CENPH: variants seen among roughly 807,000 people sequenced by gnomAD.
CENPH encodes the protein centromere protein H.
CENPH carries 40 observed loss-of-function variants against 42.9 expected under a neutral mutation model. The ratio of observed to expected loss-of-function variants is 0.93; its 90% CI spans 0.72 to 1.21. CENPH has a LOEUF of 1.21. Among genes scored for constraint, CENPH ranks in the 50% most tolerant of loss-of-function variants. The pLI is 0.00. For missense variants in CENPH, 302 were observed against 292.9 expected (o/e 1.03, Z -0.23); for synonymous variants, 88 against 96.5 (o/e 0.91, Z 0.52).
chr5:69,194,538 G>T, intron 2 of CENPH, 109 bp from the exon 3 acceptor site: 1 of 599,552 alleles, frequency 1.7e-6, no homozygotes, highest in Non-Finnish European at 3.0e-6. Flanking sequence ...TCTGTAATGT[G>T]AAAACGACAT....
intron 1 of CENPH, among the ~76,000 whole-genome samples, chr5:69,190,570 CAG>C (rs1037033096): frequency 1.3e-5 from 2 of 152,152 alleles, no homozygotes; most frequent in African/African-American, 4.8e-5. Flanking sequence ...TATATCATAA[CAG>C]AGGTAGTTTT....
intron 5 of CENPH, among the ~76,000 whole-genome samples, chr5:69,200,112 C>CAAAAAA (rs373894870): frequency 1.9e-5 from 1 of 51,402 alleles, no homozygotes; most frequent in African/African-American, 7.0e-5. Flanking sequence ...GACTCTGTCT[C>CAAAAAA]AAAAAAAAAA....
intron 5 of CENPH, 45 bp downstream of exon 5, chr5:69,197,154 A>G (rs547141182): frequency 3.3e-6 from 4 of 1,211,642 alleles, no homozygotes; most frequent in South Asian, 3.2e-5. Flanking sequence ...TGGGATCTGC[A>G]TAGTGACTTT....
intron 5 of CENPH, among the ~76,000 whole-genome samples, chr5:69,197,984 G>A (rs1296392101): frequency 3.9e-5 from 5 of 128,884 alleles, no homozygotes; most frequent in African/African-American, 6.0e-5. Flanking sequence ...GCAGTGGCAC[G>A]ATCTCGGCTC....
In CENPH at chr5:69,202,848, A is replaced by G. The variant is rs41268437; in HGVS notation, c.436-71A>G. On this transcript the variant is annotated intron_variant, in intron 6 of 8. Coordinates refer to ENST00000283006, the MANE Select transcript of CENPH (RefSeq NM_022909.4). Reference sequence around the variant, plus strand: ...ATAACTAAGGCTAGTAGATAAACTCAGTGATTTAAGTATTACAGGTTTGTC... The same window carrying G: ...ATAACTAAGGCTAGTAGATAAACTCGGTGATTTAAGTATTACAGGTTTGTC... 6,540 of 924,666 alleles carry G rather than the reference A, an allele frequency of 7.1e-3. 44 individuals carry two copies. The highest frequency in any genetic ancestry group is 7.3e-3 in the Non-Finnish European group (4,320 of 591,212). 57.3% of individuals were successfully genotyped at this position (924,666 alleles called of 1,614,324 possible). A position where few individuals can be genotyped will look rare whatever the true frequency, so the allele number is the denominator to read the frequency against.
chr5:69,199,592 G>C (rs1748025451), intron 5 of CENPH, among the ~76,000 whole-genome samples: 2 of 152,168 alleles, frequency 1.3e-5, no homozygotes, highest in African/African-American at 4.8e-5. Flanking sequence ...ATCATGATGG[G>C]TGAGGGGTCT....
intron 2 of CENPH, among the ~76,000 whole-genome samples, chr5:69,193,130 TAC>T (rs762159038): frequency 5.9e-5 from 9 of 151,318 alleles, no homozygotes; most frequent in East Asian, 1.9e-4. Context: ...TATATATATA[TAC>T]ACACACACAT....
chr5:69,203,655 C>G (rs983159276), intron 7 of CENPH, among the ~76,000 whole-genome samples: 1 of 152,038 alleles, frequency 6.6e-6, no homozygotes, highest in Admixed American at 6.6e-5. Context: ...GCATGAGCCA[C>G]TGCACCTGGC....
rs1561319975 is a variant in CENPH at position 69,189,768 on chromosome 5, G to A, written c.134G>A (p.Arg45Lys). 2.7e-6 allele frequency: 4 copies of A among 1,485,970 alleles called. No homozygotes were observed. The highest frequency in any genetic ancestry group is 1.3e-5 in the South Asian group (1 of 76,760). The allele number at this position is 1,485,970 out of a possible 1,614,324, so 92.0% of individuals were successfully genotyped here. Residue 45 changes from arginine (R) to lysine (K), a missense_variant and splice_region_variant, in exon 1 of 9, where the codon AGG becomes AAG. Transcript: ENST00000283006. ...CSEDRMTLLL[R>K]LRAQTKQQLL... ...GAGGACCGCATGACCCTGCTCCTCAGGTTGTTCCCTTTGGCCTCCTCAGCC... is the reference window on the plus strand; with the variant it reads ...GAGGACCGCATGACCCTGCTCCTCAAGTTGTTCCCTTTGGCCTCCTCAGCC...
At chr5:69,190,122 C>T (rs535297841) in intron 1 of CENPH, among the ~76,000 whole-genome samples, 39 of 152,232 alleles carry the variant, frequency 2.6e-4, no homozygotes, top group African/African-American at 7.7e-4. Flanking sequence ...GTGCCCCTAC[C>T]ATTTCTTTTA....
intron 1 of CENPH, among the ~76,000 whole-genome samples, chr5:69,190,618 G>C (rs1323393523): frequency 6.6e-6 from 1 of 152,188 alleles, no homozygotes; most frequent in African/African-American, 2.4e-5. Flanking sequence ...GGTGGCTCAC[G>C]CCTGTAATCC....
chr5:69,191,798 G>C lies in CENPH; in HGVS notation c.138G>C (p.Leu46=), dbSNP rs2112080073. 6.5e-7 allele frequency: 1 copy of C among 1,547,678 alleles called. No individual in the cohort carries two copies. ...TATTCTCTTTATCTGTTTTCAGGCT[G>C]AGAGCACAGACAAAACAACAACTCT... ...SEDRMTLLLR[L]RAQTKQQLLE... is the part of the protein sequence containing the mutation. Residue 46 remains leucine (L), a synonymous_variant, in exon 2 of 9, where the codon CTG becomes CTC. Transcript: ENST00000283006.
intron 1 of CENPH, among the ~76,000 whole-genome samples, chr5:69,191,444 G>A (rs532977392): frequency 3.3e-5 from 5 of 152,226 alleles, no homozygotes; most frequent in Admixed American, 2.6e-4. Context: ...CCCGGGAGGC[G>A]GAGCTTGTGG....
chr5:69,201,881 C>T (rs1486527517), intron 5 of CENPH, among the ~76,000 whole-genome samples: 2 of 152,142 alleles, frequency 1.3e-5, no homozygotes, highest in Non-Finnish European at 2.9e-5. Context: ...GTAGGCTATA[C>T]ACAAGCAAGA....
chr5:69,191,251 G>A lies in CENPH; in HGVS notation c.135-544G>A, dbSNP rs530977019. Among the ~76,000 whole-genome samples, 8 of 152,276 alleles carry A rather than the reference G, an allele frequency of 5.3e-5. No homozygotes were observed. The East Asian group carries it at 1.5e-3, about 29-fold the overall frequency. ...TAAGCGGCCGGGTGCGGTGGCTCAC[G>A]CCTGTAATCCCAGCACTTTGGGAGG... On this transcript the variant is annotated intron_variant, in intron 1 of 8. Coordinates refer to ENST00000283006, the MANE Select transcript of CENPH (RefSeq NM_022909.4).
intron 2 of CENPH, among the ~76,000 whole-genome samples, chr5:69,194,034 G>A (rs1747923455): frequency 6.6e-6 from 1 of 152,184 alleles, no homozygotes; most frequent in African/African-American, 2.4e-5. Flanking sequence ...GCCACATGTG[G>A]CCAGTGGCTA....
intron 1 of CENPH, among the ~76,000 whole-genome samples, chr5:69,190,881 ACT>A (rs1302820618): frequency 2.6e-5 from 4 of 151,036 alleles, no homozygotes; most frequent in Non-Finnish European, 5.9e-5. Context: ...ATAGAGCAAG[ACT>A]CTTGACTCAA....
In CENPH at chr5:69,202,276, A is replaced by G. The variant is rs574338697; in HGVS notation, c.372-230A>G. ...ACATTTTTAAATTTGGTATTCTTCA[A>G]TGTCTGTGACCAAACATTTTTCTAG... is the stretch of plus-strand genomic sequence containing the variant. On this transcript the variant is annotated intron_variant, in intron 5 of 8. Coordinates refer to ENST00000283006, the MANE Select transcript of CENPH (RefSeq NM_022909.4). Among the ~76,000 whole-genome samples the G allele has an allele frequency of 4.8e-4, 73 of 152,316 alleles. No individual in the cohort carries two copies. Among genetic ancestry groups the G allele is most frequent in the Non-Finnish European group, 8.1e-4 (55 of 68,020 alleles).
chr5:69,204,410 C>T (rs971678486), intron 7 of CENPH, among the ~76,000 whole-genome samples: 3 of 150,712 alleles, frequency 2.0e-5, no homozygotes, highest in African/African-American at 7.3e-5. Context: ...CCCACCTCAG[C>T]TCCCAAGTAG....
Sources: allele counts gnomAD v4.1 joint callset (sites outside exome capture counted in the v4.1 genomes callset), GRCh38; gene constraint gnomAD v4.1.1; transcripts MANE v1.5; gene names NCBI Gene and HGNC (gene_info 2026-07-23, HGNC 2026-07-21).